CIMIP2A: variants seen among roughly 807,000 people sequenced by gnomAD.
CIMIP2A encodes the protein ciliary microtubule inner protein 2A, also known as family with sequence similarity 166 member A.
the CIMIP2A span, chr9:137,252,283 G>A: frequency 2.4e-5 from 33 of 1,348,986 alleles, 1 homozygote; most frequent in South Asian, 4.4e-4. Flanking sequence ...CTGTAAGGAG[G>A]CCTGGAGAGA....
chr9:137,252,963 C>G, the CIMIP2A span: 1 of 1,594,830 alleles, frequency 6.3e-7, no homozygotes, highest in Non-Finnish European at 8.5e-7. Context: ...TGGCTCAGCA[C>G]CTGTAAGGAG....
the CIMIP2A span, chr9:137,243,930 C>T: frequency 6.8e-6 from 7 of 1,035,226 alleles, no homozygotes; most frequent in Non-Finnish European, 1.0e-5. Context: ...TGAAGGCAGG[C>T]CTGTCCTGTT....
chr9:137,251,670 A>G, the CIMIP2A span: 3 of 1,514,302 alleles, frequency 2.0e-6, no homozygotes, highest in Non-Finnish European at 2.7e-6. Context: ...AATAGAGGGG[A>G]CAGGCTGTGG....
chr9:137,246,080 G>A, the CIMIP2A span, among the ~76,000 whole-genome samples: 2 of 152,220 alleles, frequency 1.3e-5, no homozygotes, highest in African/African-American at 2.4e-5. Context: ...CTGGGAACAC[G>A]TCAGCACCAC....
the CIMIP2A span, chr9:137,251,271 G>A: frequency 3.2e-6 from 5 of 1,560,604 alleles, no homozygotes; most frequent in Middle Eastern, 1.7e-4. Flanking sequence ...TTGGGGAAGA[G>A]AGCCAGGAGA....
the CIMIP2A span, chr9:137,244,912 T>G: frequency 6.3e-7 from 1 of 1,594,346 alleles, no homozygotes; most frequent in Non-Finnish European, 8.5e-7. Context: ...CGCCTCGTCT[T>G]GGGAAAAGCT....
the CIMIP2A span, chr9:137,252,742 C>T: frequency 7.1e-6 from 11 of 1,557,710 alleles, no homozygotes; most frequent in African/African-American, 1.4e-5. Flanking sequence ...ACTCCGCTTC[C>T]AAGACACCTG....
chr9:137,251,519 G>A, the CIMIP2A span: 5 of 981,594 alleles, frequency 5.1e-6, no homozygotes, highest in Non-Finnish European at 7.7e-6. Context: ...GTGGGGACAG[G>A]CTGTGGGGCA....
At chr9:137,243,786 T>TGGCTGCGGGGAGCCA in the CIMIP2A span, 1 of 1,613,990 alleles carries the variant, frequency 6.2e-7, no homozygotes, top group South Asian at 1.1e-5. Flanking sequence ...TTGTCCTGCA[T>TGGCTGCGGGGAGCCA]GGCTGCGGGG....
At chr9:137,253,254 G>A in the CIMIP2A span, 61 of 1,602,196 alleles carry the variant, frequency 3.8e-5, no homozygotes, top group Non-Finnish European at 5.0e-5. Flanking sequence ...AGAGCCAGCT[G>A]GGCACAACCT....
chr9:137,244,986 A>G, the CIMIP2A span: 1 of 1,607,534 alleles, frequency 6.2e-7, no homozygotes, highest in South Asian at 1.1e-5. Flanking sequence ...GTTCTGGAGC[A>G]GGAAAAGTGG....
chr9:137,252,394 G>T, the CIMIP2A span: 1 of 1,580,090 alleles, frequency 6.3e-7, no homozygotes, highest in East Asian at 2.3e-5. Flanking sequence ...CTGTCACCTG[G>T]GTGGGGCTCC....
chr9:137,247,269 G>A, the CIMIP2A span, among the ~76,000 whole-genome samples: 1 of 152,236 alleles, frequency 6.6e-6, no homozygotes, highest in Non-Finnish European at 1.5e-5. Flanking sequence ...TGGGTAATAA[G>A]AGCGAAACTC....
the CIMIP2A span, chr9:137,252,813 A>C: frequency 6.4e-7 from 1 of 1,567,110 alleles, no homozygotes; most frequent in East Asian, 2.4e-5. Context: ...GTGCAGCCCC[A>C]GTCCCTGCTT....
At chr9:137,249,271 C>T in the CIMIP2A span, among the ~76,000 whole-genome samples, 5 of 152,118 alleles carry the variant, frequency 3.3e-5, no homozygotes, top group Non-Finnish European at 5.9e-5. Context: ...GGCTTACTGC[C>T]GGCAGGGTCA....
chr9:137,250,917 G>C, the CIMIP2A span: 4 of 273,886 alleles, frequency 1.5e-5, no homozygotes, highest in Admixed American at 1.0e-4. Context: ...ATCTCCTAGG[G>C]CTTGGTGGAT....
At chr9:137,243,611 C>T in the CIMIP2A span, 18 of 1,613,348 alleles carry the variant, frequency 1.1e-5, no homozygotes, top group African/African-American at 1.3e-5. Context: ...TATTCACTCC[C>T]AGCCTGTCCT....
the CIMIP2A span, among the ~76,000 whole-genome samples, chr9:137,246,418 C>T: frequency 2.0e-5 from 3 of 152,182 alleles, no homozygotes; most frequent in Admixed American, 2.0e-4. Flanking sequence ...GGCGGTTCAG[C>T]GCCTCAGGGT....
the CIMIP2A span, chr9:137,251,653 G>A: frequency 1.3e-6 from 2 of 1,484,830 alleles, no homozygotes; most frequent in Admixed American, 2.1e-5. Context: ...GCCGGGGGCT[G>A]AGGGACAATA....
Sources: allele counts gnomAD v4.1 joint callset (sites outside exome capture counted in the v4.1 genomes callset), GRCh38; gene constraint gnomAD v4.1.1; transcripts MANE v1.5; gene names NCBI Gene and HGNC (gene_info 2026-07-23, HGNC 2026-07-21).